The following SYTL2 variants were observed in gnomAD, a reference collection of about 807,000 sequenced individuals.
The protein encoded by SYTL2 is synaptotagmin-like protein 2.
Under a neutral mutation model 198.7 loss-of-function variants are expected in SYTL2, and 165 were observed. That is an observed-to-expected ratio of 0.83 (90% CI 0.73 to 0.94). The LOEUF is 0.94. Ranked by LOEUF, SYTL2 falls within the 40% of genes least tolerant of loss-of-function variation. SYTL2 has a pLI of 0.00. For missense variants in SYTL2, 2,835 were observed against 2,582.8 expected (o/e 1.10, Z -2.12); for synonymous variants, 966 against 917.7 (o/e 1.05, Z -0.95).
intron 1 of SYTL2, among the ~76,000 whole-genome samples, chr11:85,775,074 T>C (rs1483668071): frequency 1.3e-5 from 2 of 151,996 alleles, no homozygotes; most frequent in East Asian, 3.9e-4. Context: ...GAGAAAGAGA[T>C]GAATAGGCAG....
Position 85,725,539 on chromosome 11 carries a change from T to C in SYTL2, c.3819A>G (p.Arg1273=). The C allele has an allele frequency of 1.2e-6, 2 of 1,614,086 alleles. No individual in the cohort carries two copies. The highest frequency in any genetic ancestry group is 1.7e-6 in the Non-Finnish European group (2 of 1,179,986). Residue 1273 remains arginine (R), a synonymous_variant, in exon 8 of 20, where the codon AGA becomes AGG. Coordinates refer to ENST00000359152, the MANE Select transcript of SYTL2 (RefSeq NM_206927.4). ...GAGCTGTATTTCCAAAAGTTTCATC[T>C]CTCACTGGAAAAGGAGCTAGTATTT... The part of the protein sequence containing the change: ...KREILAPFPV[R]DETFGNTALL...
At chr11:85,698,619 C>T (rs1002751700) in intron 17 of SYTL2, among the ~76,000 whole-genome samples, 2 of 152,098 alleles carry the variant, frequency 1.3e-5, no homozygotes, top group Non-Finnish European at 2.9e-5. Flanking sequence ...CTCACTGCAG[C>T]CTCAACCTCC....
At chr11:85,820,564 CCAAG>C in the SYTL2 span, among the ~76,000 whole-genome samples, 1 of 152,142 alleles carries the variant, frequency 6.6e-6, no homozygotes, top group Non-Finnish European at 1.5e-5. Flanking sequence ...GGGGGTGAGG[CCAAG>C]CAGTCTGCAC....
Position 85,726,677 on chromosome 11 carries a change from G to A in SYTL2, c.2681C>T (p.Ala894Val). ...CAGAGACACTTTATCTGATTGCTCA[G>A]CTGAAAGATAGTATCTGGATGGACC... ...IAGPSRYYLSAEQSDKVSLFQ... is the reference protein window; with the variant it reads ...IAGPSRYYLSVEQSDKVSLFQ... The change falls in exon 8 of 20, where the codon GCT (alanine) becomes GTT (valine). Residue 894 changes from alanine (A) to valine (V), a missense_variant. Coordinates refer to ENST00000359152, the MANE Select transcript of SYTL2 (RefSeq NM_206927.4). The A allele has an allele frequency of 6.5e-7, 1 of 1,536,416 alleles. No homozygotes were observed. Among genetic ancestry groups the A allele is most frequent in the Non-Finnish European group, 8.7e-7 (1 of 1,146,938 alleles).
At chr11:85,752,911 C>T (rs1272175456) in intron 2 of SYTL2, among the ~76,000 whole-genome samples, 1 of 93,130 alleles carries the variant, frequency 1.1e-5, no homozygotes, top group Non-Finnish European at 2.0e-5. Flanking sequence ...TGACAACTGC[C>T]TTCATTAAAA....
the SYTL2 span, among the ~76,000 whole-genome samples, chr11:85,827,228 T>C: frequency 1.8e-4 from 27 of 152,286 alleles, no homozygotes; most frequent in African/African-American, 6.3e-4. Flanking sequence ...CCAGAGCCAT[T>C]CCCTTCCCAC....
At chr11:85,728,352 T>A (rs1001469970) in intron 7 of SYTL2, among the ~76,000 whole-genome samples, 1 of 152,102 alleles carries the variant, frequency 6.6e-6, no homozygotes, top group Non-Finnish European at 1.5e-5. Context: ...AGTGGCGGGA[T>A]CTCGGCTCAC....
intron 16 of SYTL2, 38 bp from the exon 17 acceptor site, chr11:85,700,631 C>G: frequency 2.7e-6 from 4 of 1,500,778 alleles, no homozygotes; most frequent in Non-Finnish European, 3.7e-6. Flanking sequence ...GGGAGACAAA[C>G]TTTTCATCCT....
At chr11:85,741,665 G>A (rs2153511105) in intron 4 of SYTL2, among the ~76,000 whole-genome samples, 1 of 152,262 alleles carries the variant, frequency 6.6e-6, no homozygotes, top group African/African-American at 2.4e-5. Context: ...GCCTTTGGGA[G>A]CAAGCTAGGT....
chr11:85,781,106 T>A (rs2092552687), intron 1 of SYTL2, among the ~76,000 whole-genome samples: 2 of 152,138 alleles, frequency 1.3e-5, no homozygotes, highest in Admixed American at 6.5e-5. Flanking sequence ...TACCTAAGAC[T>A]GGGTAATTTA....
Position 85,696,239 on chromosome 11 carries a change from T to C in SYTL2, c.6518A>G (p.Asp2173Gly). ...MEACVELTVW[D>G]HYKLTNQFLG... ...AAATTGGTTGGTTAATTTGTAATGG[T>C]CCCAGACAGTAAGCTCTACACAGGC... The change falls in exon 19 of 20, where the codon GAC (aspartate) becomes GGC (glycine). Residue 2173 changes from aspartate (D) to glycine (G), a missense_variant. Around this residue, in one of 3 missense-constraint regions of SYTL2, gnomAD observed 185 missense variants for 182.1 expected, o/e 1.02. Transcript: ENST00000359152. 1.2e-6 allele frequency: 2 copies of C among 1,613,532 alleles called. No homozygotes were observed. The highest frequency in any genetic ancestry group is 1.7e-6 in the Non-Finnish European group (2 of 1,179,828).
chr11:85,765,203 T>C (rs996364963), intron 1 of SYTL2, among the ~76,000 whole-genome samples: 2 of 152,174 alleles, frequency 1.3e-5, no homozygotes, highest in African/African-American at 4.8e-5. Flanking sequence ...TGAAAGGATA[T>C]AGATAGAATA....
At chr11:85,829,514 C>T in the SYTL2 span, among the ~76,000 whole-genome samples, 6 of 152,208 alleles carry the variant, frequency 3.9e-5, no homozygotes, top group African/African-American at 1.4e-4. Context: ...AATGAGCATA[C>T]AAGTTCACAT....
chr11:85,718,595 C>G, intron 10 of SYTL2, 195 bp downstream of exon 10: 1 of 592,042 alleles, frequency 1.7e-6, no homozygotes, highest in East Asian at 2.8e-5. Context: ...GACAGTATCA[C>G]CAGAAGAAGC....
In SYTL2 at chr11:85,776,409, C is replaced by T. The variant is rs558126193; in HGVS notation, c.-389-18295G>A. ...TGTTATCCCTCCCCTAGCCTCCCAC[C>T]GCGCAACAGGCCCCGGTGTGTTATG... On this transcript the variant is annotated intron_variant, in intron 1 of 19. Transcript: ENST00000359152. Among the ~76,000 whole-genome samples the T allele has an allele frequency of 4.6e-5, 7 of 152,296 alleles. No homozygotes were observed. In the South Asian group the frequency reaches 6.2e-4, roughly 14 times the overall value.
Position 85,725,498 on chromosome 11 carries a change from T to C in SYTL2, c.3860A>G (p.Glu1287Gly), listed in dbSNP as rs775778992. Residue 1287 changes from glutamate to glycine, a missense_variant, in exon 8 of 20, where the codon GAA (glutamate) becomes GGA (glycine). Glu to Gly is a moderately conservative substitution (Grantham distance 98). Coordinates refer to ENST00000359152, the MANE Select transcript of SYTL2 (RefSeq NM_206927.4). ...FGNTALLKKA[E>G]SGECQLSTQN... ...TGTGCTTAGCTGGCACTCACCACTT[T>C]CAGCTTTCTTGAGGAGAGCTGTATT... The C allele has an allele frequency of 1.2e-6, 2 of 1,614,094 alleles. No individual in the cohort carries two copies. Among genetic ancestry groups the C allele is most frequent in the Admixed American group, 1.7e-5 (1 of 60,026 alleles).
the SYTL2 span, among the ~76,000 whole-genome samples, chr11:85,829,917 A>G: frequency 6.6e-6 from 1 of 152,194 alleles, no homozygotes; most frequent in African/African-American, 2.4e-5. Context: ...AAAACTTTGA[A>G]ACAGCAGTAC....
intron 7 of SYTL2, among the ~76,000 whole-genome samples, chr11:85,731,829 A>C (rs530940411): frequency 2.6e-5 from 4 of 152,338 alleles, no homozygotes; most frequent in East Asian, 3.9e-4. Context: ...TTTGCAATCT[A>C]TCCATCTGAC....
At position 85,724,537 on chromosome 11, in the gene SYTL2, T is replaced by G; in HGVS notation, c.4821A>C (p.Thr1607=). Residue 1607 remains threonine, a synonymous_variant, in exon 8 of 20, where the codon ACA becomes ACC. Coordinates refer to ENST00000359152, the MANE Select transcript of SYTL2 (RefSeq NM_206927.4). ...AGGCTGCCCTGTAAAAATGGGGCACTGTCCCCAAGAACCTGGTCTGCTCTG... is the reference window on the plus strand; with the variant it reads ...AGGCTGCCCTGTAAAAATGGGGCACGGTCCCCAAGAACCTGGTCTGCTCTG... The part of the protein sequence containing the change: ...SQSEQTRFLG[T]VPHFYRAASQ... The G allele has an allele frequency of 6.2e-7, 1 of 1,614,028 alleles. No homozygotes were observed. The highest frequency in any genetic ancestry group is 8.5e-7 in the Non-Finnish European group (1 of 1,180,018).
Sources: gnomAD v4.1 joint callset for allele counts (sites outside exome capture counted in the v4.1 genomes callset) on GRCh38, gnomAD v4.1.1 for gene constraint, gnomAD v4.1.1 regional missense constraint, MANE v1.5 for transcripts, NCBI Gene and HGNC (gene_info 2026-07-23, HGNC 2026-07-21) for gene names.